GATA4: variants seen among roughly 807,000 people sequenced by gnomAD.
GATA4 encodes transcription factor GATA-4.
In GATA4, 7 loss-of-function variants were observed where a neutral mutation model predicts 37.9. The observed-to-expected ratio is 0.18, with a 90% CI of 0.11 to 0.35. GATA4 has a LOEUF of 0.35. GATA4 is among the 10% of genes least tolerant of loss of function. The pLI, the probability that GATA4 is intolerant of heterozygous loss-of-function variation, is 1.00. For synonymous variants in GATA4, 372 were observed against 292.6 expected, an observed-to-expected ratio of 1.27 and a Z score of -2.77; for missense variants, 647 against 653.0, an observed-to-expected ratio of 0.99 and a Z score of 0.10.
intron 2 of GATA4, among the ~76,000 whole-genome samples, chr8:11,726,302 G>A (rs79483570): frequency 1.3e-5 from 2 of 152,230 alleles, no homozygotes; most frequent in African/African-American, 4.8e-5. Flanking sequence ...AGTTTTACAG[G>A]GAGAAGGACC....
At chr8:11,744,034 C>G (rs897895383) in intron 2 of GATA4, among the ~76,000 whole-genome samples, 9 of 152,206 alleles carry the variant, frequency 5.9e-5, no homozygotes, top group Admixed American at 3.9e-4. Flanking sequence ...AGACTGAGTA[C>G]AAGTGAACGC....
At chr8:11,745,466 G>C (rs1032365535) in intron 2 of GATA4, among the ~76,000 whole-genome samples, 10 of 150,042 alleles carry the variant, frequency 6.7e-5, no homozygotes, top group African/African-American at 2.5e-4. Context: ...TGCACCTGTA[G>C]TCCCAGATAC....
At chr8:11,703,780 C>T (rs1293828421), upstream of GATA4, among the ~76,000 whole-genome samples, 3 of 152,228 alleles carry the variant, frequency 2.0e-5, no homozygotes, top group Non-Finnish European at 4.4e-5. Context: ...CAGCCGGGCA[C>T]CCCGGGTGAC....
At chr8:11,711,747 CAAAAAAAAAA>C (rs71205018) in intron 2 of GATA4, among the ~76,000 whole-genome samples, 3 of 56,864 alleles carry the variant, frequency 5.3e-5, no homozygotes, top group East Asian at 4.2e-4. Flanking sequence ...GACCCTCTCT[CAAAAAAAAAA>C]AAAAAAAAAA....
chr8:11,680,746 C>G, intron 1 of GATA4: 2 of 985,350 alleles, frequency 2.0e-6, no homozygotes, highest in Non-Finnish European at 2.4e-6. Context: ...CGAGGAGAGC[C>G]CGGCTTCTGC....
chr8:11,684,009 G>C (rs926311907), intron 1 of GATA4, among the ~76,000 whole-genome samples: 4 of 152,194 alleles, frequency 2.6e-5, no homozygotes, highest in African/African-American at 9.6e-5. Flanking sequence ...CAAGTCTCCG[G>C]GTTTATGCCC....
At chr8:11,723,452 A>G (rs755593445) in intron 2 of GATA4, among the ~76,000 whole-genome samples, 1 of 152,206 alleles carries the variant, frequency 6.6e-6, no homozygotes, top group Non-Finnish European at 1.5e-5. Flanking sequence ...GAACTTGCTT[A>G]AACTGAGCTC....
chr8:11,744,628 G>A (rs964879544), intron 2 of GATA4, among the ~76,000 whole-genome samples: 1 of 152,206 alleles, frequency 6.6e-6, no homozygotes, highest in African/African-American at 2.4e-5. Flanking sequence ...TAGGGCCAAC[G>A]TTTTCCTCTA....
intron 2 of GATA4, among the ~76,000 whole-genome samples, chr8:11,739,764 TGCG>T (rs1006135687): frequency 1.0e-3 from 102 of 99,458 alleles, no homozygotes; most frequent in African/African-American, 4.4e-3. Context: ...TTCTGTCGTG[TGCG>T]GAGGAGTTTC....
Position 11,719,569 on chromosome 8 carries a change from C to G in GATA4, c.616+10641C>G, listed in dbSNP as rs143029445. Among the ~76,000 whole-genome samples, 601 of 152,106 alleles carry G rather than the reference C, an allele frequency of 4.0e-3. 4 individuals are homozygous for G. The highest frequency in any genetic ancestry group is 6.8e-3 in the Middle Eastern group (2 of 292). On this transcript the variant is annotated intron_variant, in intron 2 of 6. Coordinates refer to ENST00000532059, the MANE Select transcript of GATA4 (RefSeq NM_001308093.3). ...ATTTATTATAGAAAAATGGAAAACTCACATAAACCAATGTAAAAATAATTG... is the reference window on the plus strand; with the variant it reads ...ATTTATTATAGAAAAATGGAAAACTGACATAAACCAATGTAAAAATAATTG...
intron 2 of GATA4, among the ~76,000 whole-genome samples, chr8:11,733,116 C>T (rs1330218352): frequency 6.6e-6 from 1 of 152,070 alleles, no homozygotes; most frequent in Non-Finnish European, 1.5e-5. Context: ...GTGGAGGGAG[C>T]TATAAAGCTT....
chr8:11,689,990 C>T (rs986976462), upstream of GATA4, among the ~76,000 whole-genome samples: 1 of 152,184 alleles, frequency 6.6e-6, no homozygotes, highest in Non-Finnish European at 1.5e-5. Context: ...GCTCTATAGC[C>T]CTGTCTGGAT....
chr8:11,757,261 G>A (rs1328397952), intron 6 of GATA4, among the ~76,000 whole-genome samples, 178 bp downstream of exon 6: 3 of 152,236 alleles, frequency 2.0e-5, no homozygotes, highest in Admixed American at 6.5e-5. Flanking sequence ...AGGGCCGCAC[G>A]AGGCTAGGGG....
At chr8:11,701,648 G>A (rs927562786), upstream of GATA4, among the ~76,000 whole-genome samples, 2 of 152,182 alleles carry the variant, frequency 1.3e-5, no homozygotes, top group African/African-American at 4.8e-5. Context: ...AAAGCAGGCC[G>A]TTTGCCAACC....
chr8:11,708,853 G>A lies in GATA4; in HGVS notation c.541G>A (p.Ala181Thr), dbSNP rs1339766771. 1.3e-6 allele frequency: 2 copies of A among 1,503,046 alleles called. No homozygotes were observed. Among genetic ancestry groups the A allele is most frequent in the Non-Finnish European group, 1.8e-6 (2 of 1,133,776 alleles). 93.1% of individuals were successfully genotyped at this position (1,503,046 alleles called of 1,614,324 possible). The change falls in exon 2 of 7, where the codon GCC (alanine) becomes ACC (threonine). Residue 181 changes from alanine (A) to threonine (T), a missense_variant. By Grantham distance (58) the Ala-to-Thr change is moderately conservative. This residue lies in a region of GATA4 where 379 missense variants were observed against 334.5 expected (regional missense o/e 1.13). Transcript: ENST00000532059. This position sits in a 1 kb window ranked among gnomAD's most constrained non-coding sequence, Gnocchi z 6.7. ...ASWAAAAAAS[A>T]GPFDSPVLHS... is the part of the protein sequence containing the mutation. ...CTGGGCCGCAGCCGCCGCCGCCTCCGCCGGCCCCTTCGACAGCCCGGTCCT... is the reference window on the plus strand; with the variant it reads ...CTGGGCCGCAGCCGCCGCCGCCTCCACCGGCCCCTTCGACAGCCCGGTCCT...
At chr8:11,680,022 G>T (rs1036628714) in intron 1 of GATA4, among the ~76,000 whole-genome samples, 5 of 152,232 alleles carry the variant, frequency 3.3e-5, no homozygotes, top group Non-Finnish European at 5.9e-5. Flanking sequence ...TCAGCTCAAA[G>T]TCACATCGCC....
intron 2 of GATA4, among the ~76,000 whole-genome samples, chr8:11,726,175 A>G (rs1383362863): frequency 6.6e-6 from 1 of 152,210 alleles, no homozygotes; most frequent in Non-Finnish European, 1.5e-5. Flanking sequence ...TTTGGCTCAC[A>G]TATTCAGACC....
chr8:11,727,517 G>T (rs895499425), intron 2 of GATA4, among the ~76,000 whole-genome samples: 9 of 152,158 alleles, frequency 5.9e-5, no homozygotes, highest in African/African-American at 2.2e-4. Flanking sequence ...CTAGTAAGTG[G>T]TTAAAGAAGC....
At chr8:11,692,965 C>T in intron 1 of GATA4, 4 of 985,254 alleles carry the variant, frequency 4.1e-6, no homozygotes, top group Non-Finnish European at 4.8e-6. Context: ...CTGCCAGGCG[C>T]CGGCCCCGCG....
Sources: gnomAD v4.1 joint callset for allele counts (sites outside exome capture counted in the v4.1 genomes callset) on GRCh38, gnomAD v4.1.1 for gene constraint, gnomAD v4.1.1 regional missense constraint, Gnocchi (gnomAD v3.1) non-coding constraint, MANE v1.5 for transcripts, NCBI Gene and HGNC (gene_info 2026-07-23, HGNC 2026-07-21) for gene names.